N4BP2L2: variants seen among roughly 807,000 people sequenced by gnomAD.
N4BP2L2 encodes NEDD4-binding protein 2-like 2.
A neutral mutation model predicts 56.2 loss-of-function variants in N4BP2L2; 50 were observed. The observed-to-expected ratio is 0.89, with a 90% CI of 0.71 to 1.13. N4BP2L2 has a LOEUF of 1.13. N4BP2L2 is among the 50% of genes most tolerant of loss of function. The probability of loss-of-function intolerance (pLI) is 0.00; values close to 1 mark genes in which losing one functional copy is unlikely to be tolerated. For missense variants in N4BP2L2, 689 were observed against 693.8 expected (o/e 0.99, Z 0.08); for synonymous variants, 203 against 223.6 (o/e 0.91, Z 0.82).
Position 32,441,463 on chromosome 13 carries a change from C to T in N4BP2L2, c.2104+925G>A, listed in dbSNP as rs148962564. Among the ~76,000 whole-genome samples the T allele has an allele frequency of 5.3e-3, 806 of 151,800 alleles. 9 individuals carry two copies. Among genetic ancestry groups the T allele is most frequent in the African/African-American group, 0.018 (764 of 41,398 alleles). ...CTTTGGGAGGCTGAGGCGGGTAGAT[C>T]ACCTGAGGTCAGGAGTTGGAGACCA... is the stretch of plus-strand genomic sequence containing the variant. On this transcript the variant is annotated intron_variant, in intron 7 of 9. Transcript: ENST00000357505.
At chr13:32,485,309 C>G (rs2085622129) in intron 6 of N4BP2L2, among the ~76,000 whole-genome samples, 1 of 152,156 alleles carries the variant, frequency 6.6e-6, no homozygotes, top group Non-Finnish European at 1.5e-5. Context: ...ATGTTCAGAA[C>G]TTCACACACA....
chr13:32,514,124 A>C (rs1001685353), exon 6 of N4BP2L2: 2 of 152,174 alleles, frequency 1.3e-5, no homozygotes, highest in African/African-American at 4.8e-5. Flanking sequence ...CCACTCCAAC[A>C]ATTAAAAAAA....
downstream of N4BP2L2, chr13:32,508,947 T>C (rs1433780842): frequency 6.6e-6 from 1 of 152,128 alleles, no homozygotes; most frequent in Non-Finnish European, 1.5e-5. Flanking sequence ...TTAAAAGAAA[T>C]AGATAATCAA....
intron 6 of N4BP2L2, among the ~76,000 whole-genome samples, chr13:32,458,316 C>T (rs1017728428): frequency 1.3e-4 from 20 of 152,196 alleles, no homozygotes; most frequent in African/African-American, 3.6e-4. Context: ...CCGCCCATCT[C>T]GGCCTCCCAA....
chr13:32,502,319 C>T (rs1267142381), intron 6 of N4BP2L2, among the ~76,000 whole-genome samples: 3 of 151,996 alleles, frequency 2.0e-5, no homozygotes, highest in African/African-American at 7.3e-5. Flanking sequence ...TCATGTGATC[C>T]ACCCTCCTCA....
intron 6 of N4BP2L2, among the ~76,000 whole-genome samples, chr13:32,492,675 A>G (rs1054738563): frequency 6.6e-6 from 1 of 152,134 alleles, no homozygotes; most frequent in Admixed American, 6.5e-5. Context: ...GGACACAGGT[A>G]AAACAGTCAC....
At chr13:32,442,052 G>C (rs2076475756) in intron 7 of N4BP2L2, among the ~76,000 whole-genome samples, 1 of 152,224 alleles carries the variant, frequency 6.6e-6, no homozygotes, top group African/African-American at 2.4e-5. Context: ...CTACAGCCTG[G>C]GAGACAGAGC....
chr13:32,479,649 T>C (rs11620547), intron 6 of N4BP2L2, among the ~76,000 whole-genome samples: 11,909 of 150,186 alleles, frequency 0.079, 572 homozygotes, highest in East Asian at 0.21. Flanking sequence ...CCCCAAAATG[T>C]ATAAATATGA....
In N4BP2L2 at chr13:32,454,726, G is replaced by A. The variant is rs145352685; in HGVS notation, c.366-10600C>T. ...AGTTAGAAGGAGGGGCTTCAAGACA[G>A]CTGGCTAGAGGCATCCAGCACTCAC... On this transcript the variant is annotated intron_variant, in intron 6 of 9. Coordinates refer to the N4BP2L2 transcript ENST00000357505. Among the ~76,000 whole-genome samples, 190 of 152,296 alleles carry A rather than the reference G, an allele frequency of 1.2e-3. 1 individual carries two copies. Among genetic ancestry groups the A allele is most frequent in the African/African-American group, 4.4e-3 (183 of 41,560 alleles).
At chr13:32,482,384 C>T (rs1353440738) in intron 6 of N4BP2L2, among the ~76,000 whole-genome samples, 1 of 152,154 alleles carries the variant, frequency 6.6e-6, no homozygotes, top group Non-Finnish European at 1.5e-5. Context: ...TTGTTTGAGA[C>T]AGAGTCTCAC....
chr13:32,526,820 T>TG (rs2053049416), intron 3 of N4BP2L2: 2 of 112,576 alleles, frequency 1.8e-5, no homozygotes, highest in Admixed American at 8.4e-5. Context: ...TTTTGTCTGT[T>TG]TTTTTTTTTT....
At chr13:32,497,934 C>A (rs1164515435) in intron 6 of N4BP2L2, among the ~76,000 whole-genome samples, 1 of 151,936 alleles carries the variant, frequency 6.6e-6, no homozygotes, top group Non-Finnish European at 1.5e-5. Flanking sequence ...TCCACAAGTA[C>A]AGAAATTGAG....
At chr13:32,530,027 AGGT>A (rs1426800402) in intron 2 of N4BP2L2, among the ~76,000 whole-genome samples, 8 of 152,160 alleles carry the variant, frequency 5.3e-5, no homozygotes, top group Admixed American at 5.2e-4. Context: ...TGCCCGGCAC[AGGT>A]GATTTTTAAG....
chr13:32,531,205 G>C (rs2054686101), intron 2 of N4BP2L2, among the ~76,000 whole-genome samples: 1 of 152,236 alleles, frequency 6.6e-6, no homozygotes, highest in African/African-American at 2.4e-5. Flanking sequence ...AAGGCACCCA[G>C]GTAACTATAA....
intron 6 of N4BP2L2, among the ~76,000 whole-genome samples, chr13:32,465,153 G>A (rs1018294444): frequency 6.6e-5 from 10 of 152,036 alleles, no homozygotes; most frequent in Non-Finnish European, 7.4e-5. Context: ...TTTTAGTAGA[G>A]ACGGGGTTTC....
intron 6 of N4BP2L2, among the ~76,000 whole-genome samples, chr13:32,462,532 G>C (rs565992529): frequency 3.9e-5 from 6 of 151,956 alleles, no homozygotes; most frequent in Non-Finnish European, 8.8e-5. Context: ...GGAGGAATAA[G>C]TTTCAATGTT....
intron 6 of N4BP2L2, among the ~76,000 whole-genome samples, chr13:32,475,136 A>G (rs1157771807): frequency 6.6e-6 from 1 of 152,202 alleles, no homozygotes; most frequent in Non-Finnish European, 1.5e-5. Context: ...CTATAGATAA[A>G]TGCCCTCAGT....
At chr13:32,506,999 G>A (rs1305750717), downstream of N4BP2L2, 4 of 152,098 alleles carry the variant, frequency 2.6e-5, no homozygotes, top group African/African-American at 7.2e-5. Context: ...TTCCTGACCT[G>A]GGTATTAATT....
chr13:32,482,449 C>T (rs913048679), intron 6 of N4BP2L2, among the ~76,000 whole-genome samples: 3 of 152,176 alleles, frequency 2.0e-5, no homozygotes, highest in African/African-American at 7.2e-5. Flanking sequence ...TCAATCTCTG[C>T]CTCCTGGGTT....
Sources: gnomAD v4.1 joint callset for allele counts (sites outside exome capture counted in the v4.1 genomes callset) on GRCh38, gnomAD v4.1.1 for gene constraint, MANE v1.5 for transcripts, NCBI Gene and HGNC (gene_info 2026-07-23, HGNC 2026-07-21) for gene names.